MAP2K1: variants seen among roughly 807,000 people sequenced by gnomAD.
MAP2K1 encodes mitogen-activated protein kinase kinase 1.
Under a neutral mutation model 46.3 loss-of-function variants are expected in MAP2K1, and 16 were observed. That is an observed-to-expected ratio of 0.35 (90% CI 0.23 to 0.52). The LOEUF is 0.52. MAP2K1 is among the 20% of genes least tolerant of loss of function. MAP2K1 has a pLI of 0.94. For synonymous variants in MAP2K1, 183 were observed against 185.6 expected, an observed-to-expected ratio of 0.99 and a Z score of 0.11; for missense variants, 263 against 497.1, an observed-to-expected ratio of 0.53 and a Z score of 4.48.
chr15:66,388,584 A>G (rs533512135), intron 1 of MAP2K1, among the ~76,000 whole-genome samples: 123 of 152,232 alleles, frequency 8.1e-4, no homozygotes, highest in Admixed American at 2.6e-3. Context: ...GGGTCTTGCT[A>G]TATTGCTTAG....
intron 5 of MAP2K1, among the ~76,000 whole-genome samples, chr15:66,448,387 C>G (rs1311677089): frequency 2.0e-5 from 3 of 152,172 alleles, no homozygotes; most frequent in Non-Finnish European, 4.4e-5. Flanking sequence ...GGTTCTAATG[C>G]TGTGGTCCAT....
chr15:66,474,669 G>C (rs926543657), intron 5 of MAP2K1, among the ~76,000 whole-genome samples: 3 of 152,146 alleles, frequency 2.0e-5, no homozygotes, highest in Admixed American at 2.0e-4. Flanking sequence ...TCAGGGGTCT[G>C]AGTTCTAACC....
chr15:66,488,987 A>G (rs1416705765), intron 8 of MAP2K1: 3 of 602,846 alleles, frequency 5.0e-6, no homozygotes, highest in East Asian at 2.8e-5. Context: ...CTTGGTCCCA[A>G]TTCTAAATGT....
intron 5 of MAP2K1, among the ~76,000 whole-genome samples, chr15:66,479,484 A>G (rs1052974751): frequency 6.6e-6 from 1 of 152,184 alleles, no homozygotes; most frequent in African/African-American, 2.4e-5. Context: ...CTGAAAGTCT[A>G]TGTGTAGGAG....
chr15:66,395,099 A>G (rs2093364483), intron 1 of MAP2K1, among the ~76,000 whole-genome samples: 1 of 152,226 alleles, frequency 6.6e-6, no homozygotes, highest in Non-Finnish European at 1.5e-5. Context: ...GTCCTCCCTT[A>G]TCTGAGTGGC....
intron 1 of MAP2K1, chr15:66,401,801 C>T: frequency 3.8e-6 from 2 of 524,128 alleles, no homozygotes; most frequent in Middle Eastern, 2.9e-4. Flanking sequence ...GGCTAGGATT[C>T]CATGGGAATG....
At chr15:66,475,447 T>A (rs150220333) in intron 5 of MAP2K1, among the ~76,000 whole-genome samples, 1 of 152,328 alleles carries the variant, frequency 6.6e-6, no homozygotes, top group East Asian at 1.9e-4. Context: ...TCTGCTTGCT[T>A]CTCAGCAGCC....
At position 66,489,288 on chromosome 15, in the gene MAP2K1, C is replaced by T. The variant is rs753580791; in HGVS notation, c.1022+12C>T. The T allele has an allele frequency of 3.7e-6, 6 of 1,611,594 alleles. No individual in the cohort carries two copies. Among genetic ancestry groups the T allele is most frequent in the Non-Finnish European group, 4.2e-6 (5 of 1,177,824 alleles). ...TTTGTGAATAAATGGTAAGTTGGCT[C>T]CTTGTTCTCTGGAAGCGTATACTCT... On this transcript the variant is annotated intron_variant, in intron 9 of 10. Transcript: ENST00000307102.
intron 5 of MAP2K1, among the ~76,000 whole-genome samples, chr15:66,455,087 G>C (rs1038516067): frequency 1.3e-5 from 2 of 152,106 alleles, no homozygotes; most frequent in Admixed American, 6.6e-5. Context: ...CCTTATTTAG[G>C]GGGTAGGCAT....
chr15:66,418,216 C>A (rs892966752), intron 1 of MAP2K1, among the ~76,000 whole-genome samples: 2 of 152,134 alleles, frequency 1.3e-5, no homozygotes, highest in African/African-American at 4.8e-5. Context: ...AAGTCATTTG[C>A]GGCCTATGAC....
chr15:66,426,868 A>G (rs573011333), intron 1 of MAP2K1, among the ~76,000 whole-genome samples: 2 of 152,380 alleles, frequency 1.3e-5, no homozygotes, highest in Admixed American at 6.5e-5. Flanking sequence ...TAGTGTTACA[A>G]GGATAGAACT....
chr15:66,470,088 TTTC>T (rs1391814408), intron 5 of MAP2K1, among the ~76,000 whole-genome samples: 2 of 121,806 alleles, frequency 1.6e-5, no homozygotes, highest in South Asian at 5.6e-4. Flanking sequence ...GCCACTTTTT[TTTC>T]TTGTTTTTTT....
chr15:66,458,151 G>T (rs1892219008), intron 5 of MAP2K1, among the ~76,000 whole-genome samples: 1 of 152,152 alleles, frequency 6.6e-6, no homozygotes, highest in African/African-American at 2.4e-5. Context: ...AACCAAGTAG[G>T]TAGTTGTGCT....
intron 1 of MAP2K1, among the ~76,000 whole-genome samples, chr15:66,392,255 G>GTTTTTTTTTTTTTTTTTT (rs58831070): frequency 4.1e-5 from 4 of 97,766 alleles, no homozygotes; most frequent in African/African-American, 1.8e-4. Context: ...TTTTTTTTGG[G>GTTTTTTTTTTTTTTTTTT]TTTTTTTTTT....
chr15:66,490,154 T>A (rs1430886689), intron 10 of MAP2K1: 3 of 509,010 alleles, frequency 5.9e-6, no homozygotes, highest in Non-Finnish European at 1.1e-5. Flanking sequence ...ATACTGTAAA[T>A]ATCTGGACAG....
At chr15:66,469,123 G>A (rs1273460278) in intron 5 of MAP2K1, among the ~76,000 whole-genome samples, 1 of 151,514 alleles carries the variant, frequency 6.6e-6, no homozygotes, top group African/African-American at 2.4e-5. Context: ...AGGCATGGTG[G>A]CAGGCGCCTG....
intron 1 of MAP2K1, among the ~76,000 whole-genome samples, chr15:66,434,532 T>G (rs1480340251): frequency 6.6e-6 from 1 of 152,198 alleles, no homozygotes; most frequent in Non-Finnish European, 1.5e-5. Flanking sequence ...ACTTTTTTGA[T>G]TAACCTGGTT....
At chr15:66,434,666 A>G (rs2093482900) in intron 1 of MAP2K1, among the ~76,000 whole-genome samples, 1 of 152,242 alleles carries the variant, frequency 6.6e-6, no homozygotes, top group Non-Finnish European at 1.5e-5. Flanking sequence ...AATAAAACCA[A>G]CAGTAGTGGG....
At chr15:66,388,228 A>G (rs903821911) in intron 1 of MAP2K1, among the ~76,000 whole-genome samples, 1 of 152,188 alleles carries the variant, frequency 6.6e-6, no homozygotes, top group African/African-American at 2.4e-5. Flanking sequence ...ACTTTATTTC[A>G]TTAAATAATC....
Sources: allele counts gnomAD v4.1 joint callset (sites outside exome capture counted in the v4.1 genomes callset), GRCh38; gene constraint gnomAD v4.1.1; transcripts MANE v1.5; gene names NCBI Gene and HGNC (gene_info 2026-07-23, HGNC 2026-07-21).